Variants in MAGED1 observed in about 807,000 individuals in gnomAD.
MAGED1 encodes the protein MAGE family member D1, also known as melanoma-associated antigen D1.
MAGED1 carries 3 observed loss-of-function variants against 54.1 expected under a neutral mutation model. The ratio of observed to expected loss-of-function variants is 0.06; its 90% CI spans 0.03 to 0.14. The LOEUF (loss-of-function observed/expected upper bound fraction) is 0.14. MAGED1 is among the 10% of genes least tolerant of loss of function. The pLI is 1.00. For synonymous variants in MAGED1, 217 were observed against 227.3 expected, an observed-to-expected ratio of 0.95 and a Z score of 0.41; for missense variants, 485 against 623.4, an observed-to-expected ratio of 0.78 and a Z score of 2.36.
At chrX:51,898,674 T>G in intron 10 of MAGED1, 31 bp downstream of exon 10, 1 of 1,150,801 alleles carries the variant, frequency 8.7e-7, no homozygotes, top group Non-Finnish European at 1.2e-6. Flanking sequence ...TTTTCCTGCT[T>G]CTTATGATTC....
At chrX:51,834,111 C>T (rs781798467) in intron 1 of MAGED1, among the ~76,000 whole-genome samples, 1 of 111,817 alleles carries the variant, frequency 8.9e-6, no homozygotes, top group East Asian at 2.8e-4. Context: ...GAATGTAAAA[C>T]TCATGCATCT....
upstream of MAGED1, among the ~76,000 whole-genome samples, chrX:51,891,091 G>A (rs1180914532): frequency 8.9e-6 from 1 of 112,079 alleles, no homozygotes; most frequent in Admixed American, 9.5e-5. Flanking sequence ...TTAAAAGAAC[G>A]AATCACAGGT....
intron 1 of MAGED1, chrX:51,803,225 C>T (rs782291926): frequency 6.3e-5 from 7 of 111,151 alleles, no homozygotes; most frequent in Non-Finnish European, 1.3e-4. Flanking sequence ...AATTCATCCC[C>T]GCGTGCGTTG....
chrX:51,815,766 G>A (rs1216687331), intron 1 of MAGED1, among the ~76,000 whole-genome samples: 1 of 110,526 alleles, frequency 9.0e-6, no homozygotes, highest in Admixed American at 9.6e-5. Context: ...GGTGATCCGC[G>A]CATCTCGGCT....
chrX:51,889,737 C>T (rs1569555983), upstream of MAGED1, among the ~76,000 whole-genome samples: 1 of 110,287 alleles, frequency 9.1e-6, no homozygotes, highest in East Asian at 2.8e-4. Context: ...TAATGCTGCC[C>T]CTAGAAACTG....
chrX:51,818,089 C>T (rs1410193284), intron 1 of MAGED1, among the ~76,000 whole-genome samples: 1 of 111,739 alleles, frequency 8.9e-6, no homozygotes, highest in South Asian at 3.8e-4. Context: ...ACCCCAGATG[C>T]GCTTCACCAT....
chrX:51,871,933 T>C (rs369417821), intron 1 of MAGED1, among the ~76,000 whole-genome samples: 2 of 111,602 alleles, frequency 1.8e-5, no homozygotes, highest in Non-Finnish European at 3.8e-5. Context: ...CTCTCCAGCA[T>C]CTGTTGTTTC....
intron 1 of MAGED1, among the ~76,000 whole-genome samples, chrX:51,837,186 G>A (rs1602225706): frequency 9.0e-6 from 1 of 111,660 alleles, no homozygotes; most frequent in African/African-American, 3.3e-5. Context: ...AGAATAATTT[G>A]CTTTTTAATT....
chrX:51,812,053 G>T (rs1057335964), intron 1 of MAGED1, among the ~76,000 whole-genome samples: 5 of 110,445 alleles, frequency 4.5e-5, no homozygotes, highest in African/African-American at 1.3e-4. Context: ...AGAGACCAAG[G>T]TGTGGTGCTG....
At chrX:51,855,875 T>C (rs1927068202) in intron 1 of MAGED1, among the ~76,000 whole-genome samples, 1 of 111,862 alleles carries the variant, frequency 8.9e-6, no homozygotes, top group Admixed American at 9.5e-5. Flanking sequence ...AGAACTCTAA[T>C]GATGTCATTT....
At chrX:51,850,470 T>A (rs1289386770) in intron 1 of MAGED1, among the ~76,000 whole-genome samples, 1 of 111,932 alleles carries the variant, frequency 8.9e-6, no homozygotes, top group Non-Finnish European at 1.9e-5. Context: ...TTACTGAGAC[T>A]AACATAGATA....
At chrX:51,855,929 TTAAC>T (rs1557360155) in intron 1 of MAGED1, among the ~76,000 whole-genome samples, 1 of 112,066 alleles carries the variant, frequency 8.9e-6, no homozygotes, top group Non-Finnish European at 1.9e-5. Context: ...CATTTTTAAT[TTAAC>T]TACCTTTTTA....
rs142436276 is a variant in MAGED1 at position 51,901,900 on chromosome X, T to C, written c.2307T>C (p.Phe769=). 638 of 1,206,181 alleles carry C rather than the reference T, an allele frequency of 5.3e-4. 1 individual carries two copies. In the African/African-American group the frequency reaches 9.3e-3, roughly 18 times the overall value. Residue 769 remains phenylalanine, a synonymous_variant, in exon 12 of 13, where the codon TTT becomes TTC. Transcript: ENST00000326587. ...CCAGTGCCAACTTCGCTGCCAACTTTGGTGCCATTGGTTTCTTCTGGGTTG... is the reference window on the plus strand; with the variant it reads ...CCAGTGCCAACTTCGCTGCCAACTTCGGTGCCATTGGTTTCTTCTGGGTTG... ...GTASANFAAN[F]GAIGFFWVE is the part of the protein sequence containing the mutation.
At chrX:51,814,967 A>T (rs1225862088) in intron 1 of MAGED1, among the ~76,000 whole-genome samples, 2 of 67,110 alleles carry the variant, frequency 3.0e-5, no homozygotes, top group African/African-American at 9.4e-5. Flanking sequence ...CCTCTCTCTT[A>T]AAAAAAAAAA....
chrX:51,805,008 C>A (rs940671563), intron 1 of MAGED1, among the ~76,000 whole-genome samples: 1 of 111,950 alleles, frequency 8.9e-6, no homozygotes, highest in African/African-American at 3.2e-5. Context: ...TAACCTGATC[C>A]ATTCACATTA....
intron 1 of MAGED1, among the ~76,000 whole-genome samples, chrX:51,879,404 T>TC (rs1557362301): frequency 8.9e-6 from 1 of 111,951 alleles, no homozygotes; most frequent in Admixed American, 9.5e-5. Context: ...ACTTTTTTTT[T>TC]CTTCTCCTTT....
intron 1 of MAGED1, among the ~76,000 whole-genome samples, chrX:51,887,752 A>C (rs782093089): frequency 9.1e-6 from 1 of 109,967 alleles, no homozygotes; most frequent in African/African-American, 3.3e-5. Flanking sequence ...TAAAACCATA[A>C]AACTTTTAGA....
intron 7 of MAGED1, 23 bp from the exon 8 acceptor site, chrX:51,898,091 A>G (rs1229291236): frequency 8.4e-7 from 1 of 1,185,840 alleles, no homozygotes; most frequent in Non-Finnish European, 1.1e-6. Flanking sequence ...TACTGAAAAT[A>G]TATTCTTTCT....
chrX:51,816,576 A>G (rs1470225588), intron 1 of MAGED1, among the ~76,000 whole-genome samples: 1 of 111,592 alleles, frequency 9.0e-6, no homozygotes, highest in Admixed American at 9.5e-5. Flanking sequence ...TAGGAGCAAT[A>G]GTCCATACCA....
Sources: allele counts gnomAD v4.1 joint callset (sites outside exome capture counted in the v4.1 genomes callset), GRCh38; gene constraint gnomAD v4.1.1; transcripts MANE v1.5; gene names NCBI Gene and HGNC (gene_info 2026-07-23, HGNC 2026-07-21).